The following ZNF431 variants were observed in gnomAD, a reference collection of about 807,000 sequenced individuals.
ZNF431 encodes zinc finger protein 431.
In ZNF431, 34 loss-of-function variants were observed where a neutral mutation model predicts 57.0. The ratio of observed to expected loss-of-function variants is 0.60; its 90% confidence interval spans 0.45 to 0.79. ZNF431 has a LOEUF of 0.79. Ranked by LOEUF, ZNF431 falls within the 30% of genes least tolerant of loss-of-function variation. ZNF431 has a pLI of 0.00. For missense variants in ZNF431, 607 were observed against 667.1 expected, an observed-to-expected ratio of 0.91 and a Z score of 0.99; for synonymous variants, 207 against 220.3, an observed-to-expected ratio of 0.94 and a Z score of 0.54.
intron 2 of ZNF431, among the ~76,000 whole-genome samples, chr19:21,164,440 G>A (rs1423458098): frequency 6.6e-6 from 1 of 152,092 alleles, no homozygotes; most frequent in Non-Finnish European, 1.5e-5. Flanking sequence ...CCATGGAGCA[G>A]CTCATTTTTT....
At position 21,195,104 on chromosome 19, in the gene ZNF431, T is replaced by C. The variant is rs1462926724; in HGVS notation, c.*11070T>C. The C allele has an allele frequency of 1.3e-5, 2 of 151,344 alleles. No individual in the cohort carries two copies. Among genetic ancestry groups the C allele is most frequent in the Admixed American group, 6.6e-5 (1 of 15,194 alleles). 9.4% of individuals were successfully genotyped at this position (151,344 alleles called of 1,614,324 possible). ...CTGACAAAAAGCGTGTAAACAACAG[T>C]GATTGCTCCTGTGGCCCTGTGATTC... On this transcript the variant is annotated 3_prime_UTR_variant, in exon 5 of 5. Transcript: ENST00000311048.
intron 4 of ZNF431, among the ~76,000 whole-genome samples, chr19:21,178,982 G>C (rs746814117): frequency 3.3e-5 from 5 of 152,078 alleles, no homozygotes; most frequent in Non-Finnish European, 7.4e-5. Context: ...GTAGAATTCA[G>C]CTATAAATTT....
Position 21,189,839 on chromosome 19 carries a change from A to G in ZNF431, c.*5805A>G. 1 of 397,822 alleles carries G rather than the reference A, an allele frequency of 2.5e-6. No homozygotes were observed. Among genetic ancestry groups the G allele is most frequent in the Non-Finnish European group, 4.4e-6 (1 of 225,926 alleles). The allele number at this position is 397,822 out of a possible 1,614,324, so 24.6% of individuals were successfully genotyped here. ...TCCAACTTCATCCATGTGATTGAGA[A>G]TAATAGTTTTTGTTTTTTTTTTAAG... is the stretch of plus-strand genomic sequence containing the variant. On this transcript the variant is annotated 3_prime_UTR_variant, in exon 5 of 5. Coordinates refer to ENST00000311048, the MANE Select transcript of ZNF431 (RefSeq NM_133473.4).
intron 3 of ZNF431, among the ~76,000 whole-genome samples, chr19:21,167,070 CT>C (rs1207416417): frequency 2.0e-5 from 3 of 152,024 alleles, no homozygotes; most frequent in Non-Finnish European, 4.4e-5. Flanking sequence ...GTTGGCCAGG[CT>C]GGTCTCAAAC....
At chr19:21,147,717 TTCTTAG>T (rs1568295258) in intron 2 of ZNF431, among the ~76,000 whole-genome samples, 1 of 152,134 alleles carries the variant, frequency 6.6e-6, no homozygotes, top group Non-Finnish European at 1.5e-5. Flanking sequence ...AGTCAGCATG[TTCTTAG>T]AAGAGACATA....
At chr19:21,168,484 A>T (rs951789508) in intron 4 of ZNF431, among the ~76,000 whole-genome samples, 5 of 152,022 alleles carry the variant, frequency 3.3e-5, no homozygotes, top group African/African-American at 1.2e-4. Context: ...CTCCTGCTTC[A>T]GCCTTCTGAG....
Position 21,185,135 on chromosome 19 carries a change from CAG to C in ZNF431, c.*1105_*1106del, listed in dbSNP as rs767006742. ...TCCATAATTAAGTCTATGCAAATATCAGAGAATTTATGGTAGAAATATATAAG... is the reference window on the plus strand; with the variant it reads ...TCCATAATTAAGTCTATGCAAATATCAGAATTTATGGTAGAAATATATAAG... On this transcript the variant is annotated 3_prime_UTR_variant, in exon 5 of 5. Coordinates refer to ENST00000311048, the MANE Select transcript of ZNF431 (RefSeq NM_133473.4). 6.6e-5 allele frequency: 10 copies of C among 152,032 alleles called. No homozygotes were observed. The highest frequency in any genetic ancestry group is 1.3e-4 in the Admixed American group (2 of 15,262). 9.4% of individuals were successfully genotyped at this position (152,032 alleles called of 1,614,324 possible). A position where few individuals can be genotyped will look rare whatever the true frequency, so the allele number is the denominator to read the frequency against.
chr19:21,182,632 C>G lies in ZNF431; in HGVS notation c.329C>G (p.Ser110Cys). The G allele has an allele frequency of 6.3e-7, 1 of 1,594,440 alleles. No individual in the cohort carries two copies. The highest frequency in any genetic ancestry group is 8.5e-7 in the Non-Finnish European group (1 of 1,173,586). The change falls in exon 5 of 5, where the codon TCT becomes TGT. Residue 110 changes from serine (S) to cysteine (C), a missense_variant. Coordinates refer to ENST00000311048, the MANE Select transcript of ZNF431 (RefSeq NM_133473.4). ...EMVDEPPAMC[S>C]YFTKDLWPEQ... ...TTTGTATTTCTTTCAGCTATGTGTT[C>G]TTATTTTACCAAAGACCTTTGGCCA...
rs141700071 is a variant in ZNF431 at position 21,149,788 on chromosome 19, C to G, written c.96+6145C>G. Reference sequence around the variant, plus strand: ...CATTGTAGTTGGTCCTGATAGCTTCCCCCAGCTTAGCCAAAGCACCTTTGT... The same window carrying G: ...CATTGTAGTTGGTCCTGATAGCTTCGCCCAGCTTAGCCAAAGCACCTTTGT... On this transcript the variant is annotated intron_variant, in intron 2 of 4. Transcript: ENST00000311048. 1,038 of 637,108 alleles carry G rather than the reference C, an allele frequency of 1.6e-3. 7 individuals are homozygous for G. Among genetic ancestry groups the G allele is most frequent in the African/African-American group, 0.015 (853 of 55,446 alleles). The allele number at this position is 637,108 out of a possible 1,614,324, so 39.5% of individuals were successfully genotyped here.
chr19:21,178,553 A>G (rs1342663217), intron 4 of ZNF431, among the ~76,000 whole-genome samples: 1 of 152,128 alleles, frequency 6.6e-6, no homozygotes. Context: ...CGCATTTTTG[A>G]GATAATCATG....
chr19:21,180,622 A>G (rs970336878), intron 4 of ZNF431, among the ~76,000 whole-genome samples: 4 of 152,184 alleles, frequency 2.6e-5, no homozygotes, highest in African/African-American at 9.7e-5. Context: ...TAAAACCTCT[A>G]AAAGATACAA....
chr19:21,156,878 C>T (rs1568300274), intron 2 of ZNF431, among the ~76,000 whole-genome samples: 1 of 152,058 alleles, frequency 6.6e-6, no homozygotes, highest in Non-Finnish European at 1.5e-5. Flanking sequence ...AGGCTCAAGG[C>T]ACCCTCTTAC....
chr19:21,181,703 CT>C (rs1971214994), intron 4 of ZNF431, among the ~76,000 whole-genome samples: 2 of 151,382 alleles, frequency 1.3e-5, no homozygotes, highest in South Asian at 4.2e-4. Flanking sequence ...CTCATTTTTT[CT>C]GATTTTCTAT....
intron 4 of ZNF431, among the ~76,000 whole-genome samples, chr19:21,180,728 C>A (rs987556003): frequency 2.0e-5 from 3 of 150,820 alleles, no homozygotes; most frequent in African/African-American, 7.3e-5. Flanking sequence ...GCAGGCAGAT[C>A]ACAAGATCAA....
In ZNF431 at chr19:21,188,231, C is replaced by G. The variant is rs1267733684; in HGVS notation, c.*4197C>G. 1 of 149,792 alleles carries G rather than the reference C, an allele frequency of 6.7e-6. No individual in the cohort carries two copies. The highest frequency in any genetic ancestry group is 1.5e-5 in the Non-Finnish European group (1 of 67,880). The allele number at this position is 149,792 out of a possible 1,614,324, so 9.3% of individuals were successfully genotyped here. ...CGAGACTGGGCCACTGCACTTCAGCCTGGGCAACAAGAGCGAAATTCTGTC... is the reference window on the plus strand; with the variant it reads ...CGAGACTGGGCCACTGCACTTCAGCGTGGGCAACAAGAGCGAAATTCTGTC... On this transcript the variant is annotated 3_prime_UTR_variant, in exon 5 of 5. Coordinates refer to ENST00000311048, the MANE Select transcript of ZNF431 (RefSeq NM_133473.4).
intron 2 of ZNF431, among the ~76,000 whole-genome samples, chr19:21,154,707 C>A (rs1353126960): frequency 6.6e-6 from 1 of 152,078 alleles, no homozygotes; most frequent in African/African-American, 2.4e-5. Flanking sequence ...TTAATGATCG[C>A]CATTCTAACT....
In ZNF431 at chr19:21,187,433, T is replaced by TAAAAA. The variant is rs1158103273; in HGVS notation, c.*3417_*3421dup. The TAAAAA allele has an allele frequency of 7.3e-5, 3 of 41,060 alleles. No individual in the cohort carries two copies. The highest frequency in any genetic ancestry group is 2.3e-4 in the African/African-American group (3 of 12,872). The allele number at this position is 41,060 out of a possible 1,614,324, so 2.5% of individuals were successfully genotyped here. A position where few individuals can be genotyped will look rare whatever the true frequency, so the allele number is the denominator to read the frequency against. ...CTGGGCGACAGAGCGAGACTCCATA[T>TAAAAA]AAAAAAAAAAAAAAAAAAAAAAGAG... On this transcript the variant is annotated 3_prime_UTR_variant, in exon 5 of 5. Transcript: ENST00000311048.
intron 2 of ZNF431, among the ~76,000 whole-genome samples, chr19:21,165,039 A>G (rs909756807): frequency 1.3e-5 from 2 of 149,354 alleles, no homozygotes; most frequent in African/African-American, 2.5e-5. Context: ...AACCTGGGAG[A>G]CGGAGGTTGT....
At chr19:21,146,426 AAG>A (rs1568294470) in intron 2 of ZNF431, among the ~76,000 whole-genome samples, 1 of 150,432 alleles carries the variant, frequency 6.6e-6, no homozygotes. Flanking sequence ...AAAAAAAAAA[AAG>A]AAGAAGAAAG....
Sources: gnomAD v4.1 joint callset for allele counts (sites outside exome capture counted in the v4.1 genomes callset) on GRCh38, gnomAD v4.1.1 for gene constraint, MANE v1.5 for transcripts, NCBI Gene and HGNC (gene_info 2026-07-23, HGNC 2026-07-21) for gene names.